RHOBTB3: variants seen among roughly 807,000 people sequenced by gnomAD.
RHOBTB3 encodes the protein rho-related BTB domain-containing protein 3.
In RHOBTB3, 47 loss-of-function variants were observed where a neutral mutation model predicts 67.2. The observed-to-expected ratio is 0.70, with a 90% CI of 0.55 to 0.89. The LOEUF is 0.89. RHOBTB3 is among the 40% of genes least tolerant of loss of function. The pLI is 0.00. For synonymous variants in RHOBTB3, 273 were observed against 274.2 expected (o/e 1.00, Z 0.04); for missense variants, 631 against 750.0 (o/e 0.84, Z 1.85).
intron 9 of RHOBTB3, 30 bp from the exon 10 acceptor site, chr5:95,783,767 C>A: frequency 6.4e-7 from 1 of 1,570,482 alleles, no homozygotes; most frequent in Non-Finnish European, 8.7e-7. Context: ...TTTCATCATC[C>A]ACTTTCTCTC....
chr5:95,767,975 TCCTAG>T, intron 7 of RHOBTB3, 66 bp from the exon 8 acceptor site: 2 of 1,462,426 alleles, frequency 1.4e-6, no homozygotes, highest in Non-Finnish European at 1.9e-6. Context: ...TTTTCCAAAT[TCCTAG>T]CCTAGCCTAT....
intron 2 of RHOBTB3, among the ~76,000 whole-genome samples, chr5:95,733,232 CTAG>C (rs1755351232): frequency 6.6e-6 from 1 of 152,146 alleles, no homozygotes; most frequent in Admixed American, 6.5e-5. Context: ...TATTAAACCC[CTAG>C]TTATGATAGT....
chr5:95,752,396 C>A, intron 5 of RHOBTB3, 46 bp downstream of exon 5: 2 of 1,210,080 alleles, frequency 1.7e-6, no homozygotes, highest in Non-Finnish European at 2.4e-6. Context: ...ACATTCATTA[C>A]AGATCCTTTC....
At chr5:95,722,310 G>A (rs10037970) in intron 1 of RHOBTB3, among the ~76,000 whole-genome samples, 8,344 of 152,120 alleles carry the variant, frequency 0.055, 670 homozygotes, top group African/African-American at 0.18. Context: ...GAGTTTGTTG[G>A]AAAGAAGATA....
chr5:95,764,870 ATT>A (rs569063999), intron 7 of RHOBTB3, among the ~76,000 whole-genome samples: 2 of 146,562 alleles, frequency 1.4e-5, no homozygotes, highest in Non-Finnish European at 1.5e-5. Flanking sequence ...AAGGGGTAAG[ATT>A]TTTTTTTTTT....
chr5:95,733,971 A>G (rs1755383731), intron 2 of RHOBTB3, among the ~76,000 whole-genome samples: 1 of 152,206 alleles, frequency 6.6e-6, no homozygotes, highest in East Asian at 1.9e-4. Context: ...ACCTTCTCTC[A>G]GCCTTATTTT....
chr5:95,766,596 T>A (rs1414887423), intron 7 of RHOBTB3, among the ~76,000 whole-genome samples: 183 of 115,794 alleles, frequency 1.6e-3, no homozygotes, highest in South Asian at 6.4e-3. Context: ...GACTAAAATT[T>A]AAAAAAAAAA....
upstream of RHOBTB3, among the ~76,000 whole-genome samples, chr5:95,729,749 T>G (rs1561435523): frequency 6.6e-6 from 1 of 152,236 alleles, no homozygotes; most frequent in Non-Finnish European, 1.5e-5. Flanking sequence ...CTTTAGATAC[T>G]TCATATAAAT....
At chr5:95,767,683 T>G (rs965893370) in intron 7 of RHOBTB3, 32 of 604,116 alleles carry the variant, frequency 5.3e-5, no homozygotes, top group Admixed American at 3.2e-4. Flanking sequence ...ATGAACAAAT[T>G]AGGTTGTACA....
chr5:95,734,199 A>G (rs370453501), intron 2 of RHOBTB3, among the ~76,000 whole-genome samples: 2 of 152,350 alleles, frequency 1.3e-5, no homozygotes, highest in African/African-American at 4.8e-5. Context: ...TTATACAACT[A>G]CAGTACCAGT....
intron 1 of RHOBTB3, 21 bp from the exon 2 acceptor site, chr5:95,731,837 CT>C (rs749196393): frequency 9.3e-6 from 15 of 1,606,124 alleles, no homozygotes; most frequent in Non-Finnish European, 1.3e-5. Context: ...CCCTTCTCCC[CT>C]CGCCCCCTCT....
intron 8 of RHOBTB3, chr5:95,780,018 A>G: frequency 2.2e-6 from 1 of 459,956 alleles, no homozygotes; most frequent in East Asian, 3.1e-5. Context: ...CTAAGTAACA[A>G]ATTGTTGTCT....
At chr5:95,747,386 C>T (rs1744952789) in intron 3 of RHOBTB3, among the ~76,000 whole-genome samples, 1 of 152,202 alleles carries the variant, frequency 6.6e-6, no homozygotes, top group African/African-American at 2.4e-5. Flanking sequence ...TTAACCTTCT[C>T]CACACCACTC....
chr5:95,749,852 A>G (rs908631947), intron 4 of RHOBTB3, among the ~76,000 whole-genome samples: 5 of 152,204 alleles, frequency 3.3e-5, no homozygotes, highest in Non-Finnish European at 5.9e-5. Flanking sequence ...TGAAATTCCC[A>G]GGATCATTCT....
intron 8 of RHOBTB3, among the ~76,000 whole-genome samples, chr5:95,775,812 T>G (rs1277881582): frequency 6.6e-6 from 1 of 152,034 alleles, no homozygotes; most frequent in Non-Finnish European, 1.5e-5. Context: ...AAAAAAAAAT[T>G]GGGAAGGAAA....
rs1002471072 is a variant in RHOBTB3 at position 95,794,727 on chromosome 5, T to C, written c.*1553T>C. ...GAATACACACAGTTTTTCCGACTTT[T>C]CAAAAATTTGATTAAATGGTTTTAT... is the stretch of plus-strand genomic sequence containing the variant. On this transcript the variant is annotated 3_prime_UTR_variant, in exon 12 of 12. Coordinates refer to ENST00000379982, the MANE Select transcript of RHOBTB3 (RefSeq NM_014899.4). 5 of 152,234 alleles carry C rather than the reference T, an allele frequency of 3.3e-5. No homozygotes were observed. The highest frequency in any genetic ancestry group is 1.2e-4 in the African/African-American group (5 of 41,462). The allele number at this position is 152,234 out of a possible 1,614,324, so 9.4% of individuals were successfully genotyped here.
intron 3 of RHOBTB3, among the ~76,000 whole-genome samples, chr5:95,745,132 C>T (rs1744846962): frequency 1.3e-5 from 2 of 151,966 alleles, no homozygotes; most frequent in South Asian, 2.1e-4. Flanking sequence ...GATGGGATCT[C>T]GCTATGTCAA....
At chr5:95,792,967 T>A in intron 11 of RHOBTB3, 92 bp from the exon 12 acceptor site, 1 of 815,370 alleles carries the variant, frequency 1.2e-6, no homozygotes, top group Non-Finnish European at 2.0e-6. Context: ...CAGAGCTGGA[T>A]CTCATCTATT....
chr5:95,754,764 T>G (rs1242540763), intron 5 of RHOBTB3, among the ~76,000 whole-genome samples: 1 of 152,212 alleles, frequency 6.6e-6, no homozygotes, highest in Non-Finnish European at 1.5e-5. Flanking sequence ...TTTGCTGAAG[T>G]GTTTTACTAG....
Sources: gnomAD v4.1 joint callset for allele counts (sites outside exome capture counted in the v4.1 genomes callset) on GRCh38, gnomAD v4.1.1 for gene constraint, MANE v1.5 for transcripts, NCBI Gene and HGNC (gene_info 2026-07-23, HGNC 2026-07-21) for gene names.